Variants in PDE3B observed in about 807,000 individuals in gnomAD.
PDE3B encodes the protein phosphodiesterase 3B, also known as cGMP-inhibited 3',5'-cyclic phosphodiesterase 3B.
A neutral mutation model predicts 116.8 loss-of-function variants in PDE3B; 66 were observed. The observed-to-expected ratio is 0.56, with a 90% CI of 0.46 to 0.69. PDE3B has a LOEUF of 0.69. Ranked by LOEUF, PDE3B falls within the 30% of genes least tolerant of loss-of-function variation. The pLI is 0.00. For missense variants in PDE3B, 1,384 were observed against 1,368.1 expected (o/e 1.01, Z -0.18); for synonymous variants, 595 against 533.6 (o/e 1.12, Z -1.59).
chr11:14,706,349 A>T (rs1407501550), intron 1 of PDE3B, among the ~76,000 whole-genome samples: 1 of 151,970 alleles, frequency 6.6e-6, no homozygotes, highest in Admixed American at 6.6e-5. Flanking sequence ...TTTTAAAAAA[A>T]GTTACATTTT....
At position 14,789,218 on chromosome 11, in the gene PDE3B, C is replaced by T. The variant is rs1179937176; in HGVS notation, c.1391C>T (p.Pro464Leu). The T allele has an allele frequency of 6.2e-7, 1 of 1,605,912 alleles. No individual in the cohort carries two copies. Among genetic ancestry groups the T allele is most frequent in the Non-Finnish European group, 8.5e-7 (1 of 1,176,140 alleles). The stretch of plus-strand genomic sequence containing the variant: ...TGGGATCGTAATAATGGCAAAAGAC[C>T]TCACCAAGAATTTGGCATTTCAAGG... Reference protein sequence around the residue: ...SRWDRNNGKRPHQEFGISSQG... With the variant: ...SRWDRNNGKRLHQEFGISSQG... Residue 464 changes from proline (P) to leucine (L), a missense_variant, in exon 4 of 16, where the codon CCT becomes CTT. By Grantham distance (98) the Pro-to-Leu change is moderately conservative (BLOSUM62 -3). Transcript: ENST00000282096.
chr11:14,876,769 G>A (rs1405714135), downstream of PDE3B, among the ~76,000 whole-genome samples: 1 of 152,080 alleles, frequency 6.6e-6, no homozygotes, highest in Admixed American at 6.6e-5. Context: ...GGTATCATCT[G>A]GAAGGCAAAA....
chr11:14,744,441 G>T (rs1856851736), intron 1 of PDE3B, among the ~76,000 whole-genome samples: 1 of 152,118 alleles, frequency 6.6e-6, no homozygotes, highest in Non-Finnish European at 1.5e-5. Flanking sequence ...TTTCCATTTA[G>T]TTAGGTCTTC....
At chr11:14,845,115 C>A in intron 12 of PDE3B, among the ~76,000 whole-genome samples, 1 of 151,948 alleles carries the variant, frequency 6.6e-6, no homozygotes, top group East Asian at 1.9e-4. Context: ...ACACCTCACA[C>A]GGCTGGGTAC....
At chr11:14,883,282 T>C in the PDE3B span, among the ~76,000 whole-genome samples, 1 of 151,854 alleles carries the variant, frequency 6.6e-6, no homozygotes, top group East Asian at 1.9e-4. Flanking sequence ...GACTTCAAAC[T>C]ATACTACAAG....
chr11:14,890,847 C>T, the PDE3B span: 1 of 985,232 alleles, frequency 1.0e-6, no homozygotes, highest in Non-Finnish European at 1.2e-6. Context: ...CGCGCCCGGG[C>T]ACCTAGACCA....
At chr11:14,697,005 T>C (rs962047262) in intron 1 of PDE3B, among the ~76,000 whole-genome samples, 3 of 152,064 alleles carry the variant, frequency 2.0e-5, no homozygotes, top group African/African-American at 7.2e-5. Context: ...GGTGCAAATA[T>C]AGCTCAGTGC....
At chr11:14,822,984 G>T (rs1859569229) in intron 7 of PDE3B, among the ~76,000 whole-genome samples, 1 of 151,842 alleles carries the variant, frequency 6.6e-6, no homozygotes, top group South Asian at 2.1e-4. Context: ...CAAAAATGCA[G>T]CCAGCTTGCT....
At chr11:14,865,671 A>G (rs142982497) in intron 14 of PDE3B, among the ~76,000 whole-genome samples, 2 of 152,258 alleles carry the variant, frequency 1.3e-5, no homozygotes, top group African/African-American at 4.8e-5. Context: ...CGGGTAGTAA[A>G]TGGCTATATT....
At chr11:14,856,853 C>CA (rs1247235011) in intron 12 of PDE3B, among the ~76,000 whole-genome samples, 1,524 of 91,574 alleles carry the variant, frequency 0.017, 41 homozygotes, top group East Asian at 0.17. Flanking sequence ...GAGTCCATCT[C>CA]AAAAAAAAAA....
chr11:14,898,544 T>C, the PDE3B span, among the ~76,000 whole-genome samples: 1 of 152,120 alleles, frequency 6.6e-6, no homozygotes, highest in Non-Finnish European at 1.5e-5. Context: ...CTTTATAGAA[T>C]TTCAAAATTG....
chr11:14,885,762 G>A, the PDE3B span: 95 of 1,610,844 alleles, frequency 5.9e-5, no homozygotes, highest in Non-Finnish European at 7.9e-5. Context: ...CTAAATAGGT[G>A]CAAATAAACA....
rs958334445 is a variant in PDE3B at position 14,871,097 on chromosome 11, C to T, written c.*1437C>T. The T allele has an allele frequency of 6.6e-6, 1 of 151,982 alleles. No individual in the cohort carries two copies. The highest frequency in any genetic ancestry group is 1.5e-5 in the Non-Finnish European group (1 of 67,966). The allele number at this position is 151,982 out of a possible 1,614,324, so 9.4% of individuals were successfully genotyped here. A position where few individuals can be genotyped will look rare whatever the true frequency, so the allele number is the denominator to read the frequency against. The stretch of plus-strand genomic sequence containing the variant: ...GCACACAGTGAAACCATTAATTTTC[C>T]AAGGTAATTCCTTTAGAATATGGTA... On this transcript the variant is annotated 3_prime_UTR_variant, in exon 16 of 16. Coordinates refer to ENST00000282096, the MANE Select transcript of PDE3B (RefSeq NM_000922.4).
At chr11:14,708,707 A>G (rs755908824) in intron 1 of PDE3B, among the ~76,000 whole-genome samples, 24 of 152,190 alleles carry the variant, frequency 1.6e-4, no homozygotes, top group South Asian at 4.2e-4. Context: ...GGAAATTTAC[A>G]TTGAAGAATT....
chr11:14,877,466 G>A, the PDE3B span: 2 of 152,060 alleles, frequency 1.3e-5, no homozygotes, highest in Non-Finnish European at 2.9e-5. Flanking sequence ...ATATATTATT[G>A]TAATGTCCTA....
chr11:14,658,279 C>G (rs1452076649), intron 1 of PDE3B, among the ~76,000 whole-genome samples: 1 of 152,208 alleles, frequency 6.6e-6, no homozygotes, highest in Non-Finnish European at 1.5e-5. Flanking sequence ...GGCATTGCCT[C>G]TCTCAACACG....
intron 1 of PDE3B, among the ~76,000 whole-genome samples, chr11:14,746,384 CA>C (rs1483706175): frequency 1.3e-5 from 2 of 151,950 alleles, no homozygotes; most frequent in African/African-American, 4.8e-5. Flanking sequence ...CACTCTATCT[CA>C]AAATAAAATA....
chr11:14,743,778 G>A (rs1010410170), intron 1 of PDE3B, among the ~76,000 whole-genome samples: 4 of 152,150 alleles, frequency 2.6e-5, no homozygotes, highest in South Asian at 2.1e-4. Context: ...CATTCCTCAC[G>A]GCACAGTCCC....
intron 1 of PDE3B, among the ~76,000 whole-genome samples, chr11:14,702,086 A>G (rs1339530828): frequency 6.6e-6 from 1 of 150,588 alleles, no homozygotes; most frequent in East Asian, 1.9e-4. Context: ...CCTAATTTTT[A>G]AAGTGTTTTT....
Sources: allele counts gnomAD v4.1 joint callset (sites outside exome capture counted in the v4.1 genomes callset), GRCh38; gene constraint gnomAD v4.1.1; transcripts MANE v1.5; gene names NCBI Gene and HGNC (gene_info 2026-07-23, HGNC 2026-07-21).